Variants in CCDC30 observed in about 807,000 individuals in gnomAD.
The protein encoded by CCDC30 is coiled-coil domain-containing protein 30.
A neutral mutation model predicts 100.2 loss-of-function variants in CCDC30; 70 were observed. That is an observed-to-expected ratio of 0.70 (90% CI 0.58 to 0.85). The LOEUF (loss-of-function observed/expected upper bound fraction) is 0.85, where lower values mean the gene tolerates loss of function less well. Ranked by LOEUF, CCDC30 falls within the 40% of genes least tolerant of loss-of-function variation. The pLI is 0.00. For missense variants in CCDC30, 652 were observed against 771.2 expected (o/e 0.85, Z 1.83); for synonymous variants, 233 against 269.5 (o/e 0.86, Z 1.33).
chr1:42,507,372 A>G (rs1024459776), intron 6 of CCDC30, among the ~76,000 whole-genome samples: 3 of 152,226 alleles, frequency 2.0e-5, no homozygotes, highest in African/African-American at 7.2e-5. Flanking sequence ...TTTTATTTCA[A>G]TGCTCAATTT....
At chr1:42,536,809 G>A (rs899339071) in intron 6 of CCDC30, 2 of 502,336 alleles carry the variant, frequency 4.0e-6, no homozygotes, top group African/African-American at 3.9e-5. Context: ...AGCCAAGTCA[G>A]TTCCTGGTGA....
chr1:42,465,710 C>T (rs984764459), intron 1 of CCDC30, among the ~76,000 whole-genome samples: 1 of 152,152 alleles, frequency 6.6e-6, no homozygotes, highest in Admixed American at 6.5e-5. Flanking sequence ...GTTTTGCCCC[C>T]TGTGAGACAT....
At chr1:42,598,492 C>A (rs938927066) in intron 10 of CCDC30, among the ~76,000 whole-genome samples, 1 of 151,808 alleles carries the variant, frequency 6.6e-6, no homozygotes, top group Non-Finnish European at 1.5e-5. Flanking sequence ...CTGCAATGAG[C>A]TGATGCAATA....
intron 7 of CCDC30, among the ~76,000 whole-genome samples, chr1:42,568,334 C>T (rs1645651395): frequency 6.6e-6 from 1 of 152,086 alleles, no homozygotes; most frequent in East Asian, 1.9e-4. Context: ...AGGCTGATCT[C>T]GAACTCCTGA....
intron 6 of CCDC30, among the ~76,000 whole-genome samples, chr1:42,551,720 A>C (rs957001530): frequency 6.6e-6 from 1 of 150,558 alleles, no homozygotes; most frequent in Non-Finnish European, 1.5e-5. Flanking sequence ...TTTCTCTTAT[A>C]CCTTTTGAAA....
At chr1:42,458,849 T>G (rs902497116), upstream of CCDC30, among the ~76,000 whole-genome samples, 2 of 152,226 alleles carry the variant, frequency 1.3e-5, no homozygotes, top group Non-Finnish European at 2.9e-5. Flanking sequence ...CACTGCTAAG[T>G]TGTGTTACAT....
Position 42,515,207 on chromosome 1 carries a change from C to CAG in CCDC30, c.456+16292_456+16293insGA, listed in dbSNP as rs112028755. Among the ~76,000 whole-genome samples the CAG allele has an allele frequency of 2.1e-3, 286 of 136,812 alleles. 5 individuals are homozygous for CAG. In the East Asian group the frequency reaches 0.039, roughly 19 times the overall value. The allele number at this position is 136,812 out of a possible 152,430, so 89.8% of individuals were successfully genotyped here. A position where few individuals can be genotyped will look rare whatever the true frequency, so the allele number is the denominator to read the frequency against. ...AGACTGGAATGATGCAGCTGCAAGC[C>CAG]AAAAAAAAAAAAACAAGAATAAGCA... On this transcript the variant is annotated intron_variant, in intron 6 of 16. Transcript: ENST00000668663.
At chr1:42,484,127 T>A (rs1395089934) in intron 3 of CCDC30, among the ~76,000 whole-genome samples, 2 of 148,112 alleles carry the variant, frequency 1.4e-5, no homozygotes, top group African/African-American at 2.6e-5. Flanking sequence ...TAAAAACAAA[T>A]AATAATAAAA....
intron 6 of CCDC30, among the ~76,000 whole-genome samples, chr1:42,560,401 G>C (rs1318463984): frequency 1.3e-5 from 2 of 152,008 alleles, no homozygotes; most frequent in African/African-American, 4.8e-5. Context: ...TCAGAGTCTT[G>C]CTCCATCACC....
intron 6 of CCDC30, among the ~76,000 whole-genome samples, chr1:42,542,187 T>A (rs1645024371): frequency 6.6e-6 from 1 of 152,094 alleles, no homozygotes. Flanking sequence ...TCATGGAGGG[T>A]CTGATGGCTT....
intron 9 of CCDC30, among the ~76,000 whole-genome samples, chr1:42,587,152 C>A (rs916579188): frequency 6.6e-6 from 1 of 152,090 alleles, no homozygotes; most frequent in Non-Finnish European, 1.5e-5. Flanking sequence ...CGCATGCCAC[C>A]ATGCCTAATT....
intron 6 of CCDC30, among the ~76,000 whole-genome samples, chr1:42,513,037 A>G (rs1644503678): frequency 6.6e-6 from 1 of 152,204 alleles, no homozygotes; most frequent in Admixed American, 6.5e-5. Flanking sequence ...TCCCATTCTT[A>G]CCACTCTGAT....
chr1:42,530,751 T>C (rs764350833), intron 6 of CCDC30, among the ~76,000 whole-genome samples: 1 of 152,210 alleles, frequency 6.6e-6, no homozygotes, highest in Non-Finnish European at 1.5e-5. Context: ...AGAGGATGTG[T>C]ATAGGTTATA....
chr1:42,534,120 A>G (rs1644853495), intron 6 of CCDC30, among the ~76,000 whole-genome samples: 2 of 152,196 alleles, frequency 1.3e-5, no homozygotes, highest in South Asian at 4.1e-4. Context: ...GCCACGTATT[A>G]TGGTAAATTT....
At chr1:42,476,900 T>G (rs78684569) in intron 1 of CCDC30, among the ~76,000 whole-genome samples, 36,238 of 149,710 alleles carry the variant, frequency 0.24, 4,809 homozygotes, top group South Asian at 0.42. Context: ...TTTTTGTTTT[T>G]TTTTTTTGCC....
chr1:42,530,647 A>G (rs563696534), intron 6 of CCDC30, among the ~76,000 whole-genome samples: 1 of 152,258 alleles, frequency 6.6e-6, no homozygotes, highest in East Asian at 1.9e-4. Context: ...TCATCTCTCA[A>G]TTTAACATTT....
the CCDC30 span, chr1:42,456,728 C>G: frequency 6.2e-7 from 1 of 1,609,474 alleles, no homozygotes. Context: ...GCGGCCGGTG[C>G]GCTTCCTGGA....
intron 4 of CCDC30, chr1:42,492,123 G>A (rs368689304): frequency 6.2e-5 from 17 of 275,692 alleles, no homozygotes; most frequent in African/African-American, 2.3e-4. Context: ...GACTACCGAT[G>A]GTTATTTGTT....
At chr1:42,602,277 T>G (rs1004188535) in intron 10 of CCDC30, among the ~76,000 whole-genome samples, 1 of 150,666 alleles carries the variant, frequency 6.6e-6, no homozygotes, top group African/African-American at 2.5e-5. Flanking sequence ...CATGGTGGTG[T>G]TTGTGTAAAA....
Sources: allele counts gnomAD v4.1 joint callset (sites outside exome capture counted in the v4.1 genomes callset), GRCh38; gene constraint gnomAD v4.1.1; transcripts MANE v1.5; gene names NCBI Gene and HGNC (gene_info 2026-07-23, HGNC 2026-07-21).